GPC6: variants seen among roughly 807,000 people sequenced by gnomAD.
GPC6 encodes glypican 6.
A neutral mutation model predicts 55.2 loss-of-function variants in GPC6; 14 were observed. The ratio of observed to expected loss-of-function variants is 0.25; its 90% confidence interval spans 0.17 to 0.40. The LOEUF (loss-of-function observed/expected upper bound fraction) is 0.40, where lower values mean the gene tolerates loss of function less well. Ranked by LOEUF, GPC6 falls within the 10% of genes least tolerant of loss-of-function variation. The probability of loss-of-function intolerance (pLI) is 1.00; values close to 1 mark genes in which losing one functional copy is unlikely to be tolerated. For missense variants in GPC6, 641 were observed against 708.5 expected (o/e 0.90, Z 1.08); for synonymous variants, 278 against 259.6 (o/e 1.07, Z -0.68).
At chr13:94,290,098 A>T (rs1358355596) in intron 5 of GPC6, among the ~76,000 whole-genome samples, 1 of 152,170 alleles carries the variant, frequency 6.6e-6, no homozygotes, top group Admixed American at 6.6e-5. Context: ...TTTATTTAAG[A>T]GATATTTAAT....
intron 1 of GPC6, among the ~76,000 whole-genome samples, chr13:93,309,135 C>T (rs1366452412): frequency 6.6e-6 from 1 of 152,066 alleles, no homozygotes; most frequent in African/African-American, 2.4e-5. Context: ...TTTTAGAAGA[C>T]CATGCTGCCT....
chr13:94,169,611 G>C (rs1888490104), intron 4 of GPC6, among the ~76,000 whole-genome samples: 1 of 152,172 alleles, frequency 6.6e-6, no homozygotes, highest in African/African-American at 2.4e-5. Flanking sequence ...AGATGTGACT[G>C]ACTCTTCCAC....
At chr13:93,806,090 C>T (rs1045978229) in intron 2 of GPC6, among the ~76,000 whole-genome samples, 1 of 152,100 alleles carries the variant, frequency 6.6e-6, no homozygotes, top group African/African-American at 2.4e-5. Flanking sequence ...AAATCAGCTA[C>T]ACATATTTTG....
intron 3 of GPC6, among the ~76,000 whole-genome samples, chr13:93,882,805 A>G (rs1157014764): frequency 6.6e-6 from 1 of 152,114 alleles, no homozygotes; most frequent in African/African-American, 2.4e-5. Flanking sequence ...CATGTAAACC[A>G]GTTCTTTCTG....
At chr13:93,758,220 T>C (rs1346947975) in intron 2 of GPC6, among the ~76,000 whole-genome samples, 1 of 152,104 alleles carries the variant, frequency 6.6e-6, no homozygotes, top group Non-Finnish European at 1.5e-5. Flanking sequence ...TTTTCAGGGC[T>C]CAAAAATAAA....
intron 3 of GPC6, among the ~76,000 whole-genome samples, chr13:93,876,315 A>G (rs945510904): frequency 5.3e-5 from 8 of 150,990 alleles, no homozygotes; most frequent in South Asian, 2.1e-4. Flanking sequence ...GAACTTAGGG[A>G]AAAAAAAACC....
At chr13:93,789,652 G>A (rs1885964533) in intron 2 of GPC6, among the ~76,000 whole-genome samples, 1 of 85,564 alleles carries the variant, frequency 1.2e-5, no homozygotes, top group East Asian at 3.0e-4. Flanking sequence ...TATAGTATTC[G>A]GTTAAATGTT....
intron 3 of GPC6, among the ~76,000 whole-genome samples, chr13:93,946,862 C>G (rs1357295433): frequency 2.0e-5 from 3 of 152,152 alleles, no homozygotes; most frequent in Non-Finnish European, 4.4e-5. Context: ...CTAAAACTCT[C>G]ATCTAGCACT....
intron 3 of GPC6, among the ~76,000 whole-genome samples, chr13:93,902,102 G>A (rs7993741): frequency 0.59 from 90,094 of 151,700 alleles, 27,422 homozygotes; most frequent in East Asian, 0.8. Context: ...ATTTTAAAAT[G>A]TACAATTACA....
chr13:93,847,847 C>A (rs2139007592), intron 3 of GPC6, among the ~76,000 whole-genome samples: 1 of 152,266 alleles, frequency 6.6e-6, no homozygotes, highest in East Asian at 1.9e-4. Flanking sequence ...TCTGTGGCTG[C>A]AACCATGTTC....
intron 3 of GPC6, among the ~76,000 whole-genome samples, chr13:93,957,156 A>T (rs1263409127): frequency 6.6e-6 from 1 of 152,158 alleles, no homozygotes; most frequent in Non-Finnish European, 1.5e-5. Context: ...AGCTTATTAT[A>T]TGATCTGTAA....
chr13:94,397,117 T>C (rs1347136792), intron 7 of GPC6, among the ~76,000 whole-genome samples: 1 of 152,132 alleles, frequency 6.6e-6, no homozygotes, highest in Non-Finnish European at 1.5e-5. Context: ...GCAATATTTT[T>C]TGAAAACTAA....
At chr13:93,406,795 A>G (rs1474333499) in intron 1 of GPC6, among the ~76,000 whole-genome samples, 1 of 152,164 alleles carries the variant, frequency 6.6e-6, no homozygotes, top group African/African-American at 2.4e-5. Flanking sequence ...AAATCTACTC[A>G]TTAAGGAACC....
intron 3 of GPC6, among the ~76,000 whole-genome samples, chr13:93,845,607 G>C (rs1888142045): frequency 7.1e-6 from 1 of 141,440 alleles, no homozygotes; most frequent in African/African-American, 2.7e-5. Flanking sequence ...TGATAGACTG[G>C]ATTAAGAAAA....
intron 2 of GPC6, among the ~76,000 whole-genome samples, chr13:93,791,580 G>A (rs1886036133): frequency 6.6e-6 from 1 of 152,096 alleles, no homozygotes; most frequent in African/African-American, 2.4e-5. Flanking sequence ...TCCCAACTAT[G>A]CACAGGCCTC....
chr13:93,765,285 A>G, intron 2 of GPC6, among the ~76,000 whole-genome samples: 1 of 109,624 alleles, frequency 9.1e-6, no homozygotes, highest in African/African-American at 2.9e-5. Context: ...AACTTTCCAG[A>G]TAAGCTGTCT....
chr13:93,363,117 G>GTT (rs199840187), intron 1 of GPC6, among the ~76,000 whole-genome samples: 36,652 of 125,510 alleles, frequency 0.29, 4,974 homozygotes, highest in East Asian at 0.72. Context: ...CTTTTTTTTT[G>GTT]TTTTTTTTTT....
chr13:93,640,553 A>G (rs998304349), intron 2 of GPC6, among the ~76,000 whole-genome samples: 4 of 152,090 alleles, frequency 2.6e-5, no homozygotes, highest in Admixed American at 6.6e-5. Context: ...ATGAAAACTG[A>G]TGATATAAAA....
chr13:93,612,905 C>G (rs774003055), intron 2 of GPC6, among the ~76,000 whole-genome samples: 2 of 152,022 alleles, frequency 1.3e-5, no homozygotes, highest in Non-Finnish European at 2.9e-5. Context: ...GAGGTAAAGA[C>G]AAGATAAATG....
Sources: gnomAD v4.1 joint callset for allele counts (sites outside exome capture counted in the v4.1 genomes callset) on GRCh38, gnomAD v4.1.1 for gene constraint, MANE v1.5 for transcripts, NCBI Gene and HGNC (gene_info 2026-07-23, HGNC 2026-07-21) for gene names.